DYRK1A: variants seen among roughly 807,000 people sequenced by gnomAD.
DYRK1A encodes the protein dual specificity tyrosine-phosphorylation-regulated kinase 1A.
In DYRK1A, 9 loss-of-function variants were observed where a neutral mutation model predicts 79.7. That is an observed-to-expected ratio of 0.11 (90% CI 0.07 to 0.20). The LOEUF (loss-of-function observed/expected upper bound fraction) is 0.20, where lower values mean the gene tolerates loss of function less well. DYRK1A is among the 10% of genes least tolerant of loss of function. The pLI is 1.00. For missense variants in DYRK1A, 622 were observed against 956.0 expected, an observed-to-expected ratio of 0.65 and a Z score of 4.61; for synonymous variants, 349 against 329.7, an observed-to-expected ratio of 1.06 and a Z score of -0.63.
Position 37,514,840 on chromosome 21 carries a change from T to G in DYRK1A, c.*2309T>G, listed in dbSNP as rs1231855244. The stretch of plus-strand genomic sequence containing the variant: ...AAGATATCATATGGGTCAGGTCATT[T>G]TTTTTTTCTGTGCTGGTTGCCACAT... On this transcript the variant is annotated 3_prime_UTR_variant, in exon 12 of 12. Transcript: ENST00000647188. 1 of 152,658 alleles carries G rather than the reference T, an allele frequency of 6.6e-6. No homozygotes were observed. The highest frequency in any genetic ancestry group is 6.5e-5 in the Admixed American group (1 of 15,284). 9.5% of individuals were successfully genotyped at this position (152,658 alleles called of 1,614,324 possible).
chr21:37,460,661 A>G (rs1042843542), intron 2 of DYRK1A, among the ~76,000 whole-genome samples: 30 of 152,356 alleles, frequency 2.0e-4, no homozygotes, highest in South Asian at 1.2e-3. Context: ...AGACTGCTCA[A>G]TACCTTGTTT....
chr21:37,441,895 G>A (rs964873859), intron 2 of DYRK1A, among the ~76,000 whole-genome samples: 4 of 148,092 alleles, frequency 2.7e-5, no homozygotes, highest in Admixed American at 2.7e-4. Flanking sequence ...AACATTTTTT[G>A]TAGTGCGTAT....
At chr21:37,477,765 T>C (rs2052452887) in intron 3 of DYRK1A, among the ~76,000 whole-genome samples, 1 of 152,162 alleles carries the variant, frequency 6.6e-6, no homozygotes, top group Non-Finnish European at 1.5e-5. Flanking sequence ...AATCCTATGT[T>C]AAGGAAGCTG....
At chr21:37,490,524 T>C in intron 7 of DYRK1A, 63 bp downstream of exon 7, 1 of 1,374,460 alleles carries the variant, frequency 7.3e-7, no homozygotes. Flanking sequence ...TAGGACAGTG[T>C]AGGTATTAGG....
intron 5 of DYRK1A, 30 bp from the exon 6 acceptor site, chr21:37,486,432 TAATGA>T (rs779525668): frequency 5.8e-5 from 81 of 1,403,404 alleles, no homozygotes; most frequent in Admixed American, 8.5e-5. Context: ...TTTTTGCAAT[TAATGA>T]AATAGAGAAT....
chr21:37,406,364 C>T (rs1475905531), intron 1 of DYRK1A, among the ~76,000 whole-genome samples: 1 of 152,078 alleles, frequency 6.6e-6, no homozygotes, highest in African/African-American at 2.4e-5. Flanking sequence ...AGCTAGAGAC[C>T]CCAGGCACCA....
intron 2 of DYRK1A, among the ~76,000 whole-genome samples, chr21:37,444,772 T>G (rs972744489): frequency 6.6e-6 from 1 of 152,108 alleles, no homozygotes; most frequent in Non-Finnish European, 1.5e-5. Flanking sequence ...AACATCTAAG[T>G]AGAAAATCCA....
rs2053895215 is a variant in DYRK1A, at chr21:37,517,706, A to T, written c.*5175A>T. 1 of 152,160 alleles carries T rather than the reference A, an allele frequency of 6.6e-6. No individual in the cohort carries two copies. The highest frequency in any genetic ancestry group is 1.5e-5 in the Non-Finnish European group (1 of 68,082). The allele number at this position is 152,160 out of a possible 1,614,324, so 9.4% of individuals were successfully genotyped here. ...AGGCAAGAGGACGGGCCTGAGCCTG[A>T]GTGTGGCCAGCAGAAAGTGTTGAGT... On this transcript the variant is annotated 3_prime_UTR_variant, in exon 12 of 12. Coordinates refer to ENST00000647188, the MANE Select transcript of DYRK1A (RefSeq NM_001347721.2).
At chr21:37,427,254 G>A (rs1362759249) in intron 2 of DYRK1A, among the ~76,000 whole-genome samples, 1 of 152,150 alleles carries the variant, frequency 6.6e-6, no homozygotes, top group Non-Finnish European at 1.5e-5. Context: ...TAGGACTGCA[G>A]GCACGTGCTG....
chr21:37,513,224 C>T lies in DYRK1A; in HGVS notation c.*693C>T, dbSNP rs949089923. On this transcript the variant is annotated 3_prime_UTR_variant, in exon 12 of 12. Coordinates refer to ENST00000647188, the MANE Select transcript of DYRK1A (RefSeq NM_001347721.2). ...GCAGCAATTACATGGGATCCTGTGG[C>T]TCTCCCGTTGCAGAGGCCACAGGAA... 3.9e-5 allele frequency: 6 copies of T among 152,714 alleles called. No individual in the cohort carries two copies. Among genetic ancestry groups the T allele is most frequent in the East Asian group, 1.9e-4 (1 of 5,192 alleles). 9.5% of individuals were successfully genotyped at this position (152,714 alleles called of 1,614,324 possible). A position where few individuals can be genotyped will look rare whatever the true frequency, so the allele number is the denominator to read the frequency against.
At chr21:37,510,709 A>G (rs1367647434) in intron 11 of DYRK1A, among the ~76,000 whole-genome samples, 1 of 151,952 alleles carries the variant, frequency 6.6e-6, no homozygotes, top group African/African-American at 2.4e-5. Flanking sequence ...CTGATCTCCT[A>G]CCATCTTGTG....
At chr21:37,462,413 G>T (rs184952814) in intron 2 of DYRK1A, among the ~76,000 whole-genome samples, 1 of 152,312 alleles carries the variant, frequency 6.6e-6, no homozygotes, top group Admixed American at 6.5e-5. Context: ...ATTAGCCCTA[G>T]CCCTAAATGT....
At position 37,512,203 on chromosome 21, in the gene DYRK1A, T is replaced by C; in HGVS notation, c.1937T>C (p.Met646Thr). The C allele has an allele frequency of 6.2e-7, 1 of 1,614,020 alleles. No homozygotes were observed. Among genetic ancestry groups the C allele is most frequent in the South Asian group, 1.1e-5 (1 of 91,084 alleles). ...SMEVGHSHHS[M>T]TSLSSSTTSS... The stretch of plus-strand genomic sequence containing the variant: ...GAGGTTGGCCACAGTCACCACTCCA[T>C]GACATCCCTGTCTTCCTCAACGACT... Residue 646 changes from methionine to threonine, a missense_variant, in exon 12 of 12, where the codon ATG becomes ACG. Physicochemically the swap from Met to Thr is moderately conservative, Grantham distance 81. Transcript: ENST00000647188.
intron 1 of DYRK1A, among the ~76,000 whole-genome samples, chr21:37,397,420 A>G (rs1439545443): frequency 6.6e-6 from 1 of 152,242 alleles, no homozygotes; most frequent in Admixed American, 6.5e-5. Context: ...ACCTAAAACT[A>G]ACCAGCCCTG....
rs2053896227 is a variant in DYRK1A, at chr21:37,517,833, A to C, written c.*5302A>C. 1 of 151,774 alleles carries C rather than the reference A, an allele frequency of 6.6e-6. No homozygotes were observed. Among genetic ancestry groups the C allele is most frequent in the African/African-American group, 2.4e-5 (1 of 41,282 alleles). 9.4% of individuals were successfully genotyped at this position (151,774 alleles called of 1,614,324 possible). A position where few individuals can be genotyped will look rare whatever the true frequency, so the allele number is the denominator to read the frequency against. ...GGCACTGCTGGGGTGGGGTTTGTTA[A>C]CTCCCTCTGAAATGAAAGAAAATAC... On this transcript the variant is annotated 3_prime_UTR_variant, in exon 12 of 12. Transcript: ENST00000647188.
In DYRK1A at chr21:37,496,274, A is replaced by G; in HGVS notation, c.1212+16A>G. Reference sequence around the variant, plus strand: ...TGGAAAACGGGTAAAATAAGGATATATCTGTTTTGAGCCTTTATTAAATTT... The same window carrying G: ...TGGAAAACGGGTAAAATAAGGATATGTCTGTTTTGAGCCTTTATTAAATTT... On this transcript the variant is annotated intron_variant, in intron 9 of 11. Transcript: ENST00000647188. 4 of 1,602,926 alleles carry G rather than the reference A, an allele frequency of 2.5e-6. No homozygotes were observed. Among genetic ancestry groups the G allele is most frequent in the Middle Eastern group, 1.7e-4 (1 of 5,978 alleles).
chr21:37,393,016 C>T (rs1012951557), intron 1 of DYRK1A, among the ~76,000 whole-genome samples: 16 of 152,252 alleles, frequency 1.1e-4, no homozygotes, highest in Admixed American at 9.2e-4. Flanking sequence ...GAGGGCAAAG[C>T]CCTTATGACC....
intron 10 of DYRK1A, 140 bp from the exon 11 acceptor site, chr21:37,505,959 A>G: frequency 2.8e-6 from 3 of 1,089,234 alleles, no homozygotes; most frequent in African/African-American, 1.6e-5. Context: ...ACTTTGTGAT[A>G]TACTTTCAAG....
chr21:37,455,265 ACTTGCTC>A (rs2051598398), intron 2 of DYRK1A, among the ~76,000 whole-genome samples: 1 of 152,012 alleles, frequency 6.6e-6, no homozygotes, highest in Non-Finnish European at 1.5e-5. Flanking sequence ...AGAACCCTGG[ACTTGCTC>A]CTTGTGCCAG....
Sources: allele counts gnomAD v4.1 joint callset (sites outside exome capture counted in the v4.1 genomes callset), GRCh38; gene constraint gnomAD v4.1.1; transcripts MANE v1.5; gene names NCBI Gene and HGNC (gene_info 2026-07-23, HGNC 2026-07-21).